The following KLHDC10 variants were observed in gnomAD, a reference collection of about 807,000 sequenced individuals.
The protein encoded by KLHDC10 is kelch domain containing 10, also known as kelch domain-containing protein 10.
Under a neutral mutation model 56.1 loss-of-function variants are expected in KLHDC10, and 24 were observed. The observed-to-expected ratio is 0.43, with a 90% confidence interval of 0.31 to 0.60. The LOEUF (loss-of-function observed/expected upper bound fraction) is 0.60, where lower values mean the gene tolerates loss of function less well. KLHDC10 is among the 20% of genes least tolerant of loss of function. The probability of loss-of-function intolerance (pLI) is 0.11; values close to 1 mark genes in which losing one functional copy is unlikely to be tolerated. For synonymous variants in KLHDC10, 188 were observed against 207.1 expected (o/e 0.91, Z 0.79); for missense variants, 349 against 567.0 (o/e 0.62, Z 3.91).
intron 1 of KLHDC10, among the ~76,000 whole-genome samples, chr7:130,093,734 G>C (rs1795811250): frequency 6.6e-6 from 1 of 151,988 alleles, no homozygotes; most frequent in African/African-American, 2.4e-5. Flanking sequence ...CTGCTCTTTG[G>C]GTGAAAGAAT....
At position 130,131,893 on chromosome 7, in the gene KLHDC10, A is replaced by G. The variant is rs1796406326; in HGVS notation, c.*1147A>G. On this transcript the variant is annotated 3_prime_UTR_variant, in exon 10 of 10. Transcript: ENST00000335420. The stretch of plus-strand genomic sequence containing the variant: ...TTCTTTTCCGTCTGCTTTAATGTGC[A>G]TGGTGCTGTGAATAATTGTCTAGTA... The G allele has an allele frequency of 6.6e-6, 1 of 151,648 alleles. No homozygotes were observed. Among genetic ancestry groups the G allele is most frequent in the Non-Finnish European group, 1.5e-5 (1 of 67,926 alleles). 9.4% of individuals were successfully genotyped at this position (151,648 alleles called of 1,614,324 possible). A position where few individuals can be genotyped will look rare whatever the true frequency, so the allele number is the denominator to read the frequency against.
chr7:130,098,960 G>A (rs917531258), intron 2 of KLHDC10, among the ~76,000 whole-genome samples: 3 of 152,164 alleles, frequency 2.0e-5, no homozygotes, highest in African/African-American at 7.2e-5. Context: ...GGTGGCCCCT[G>A]GCAGTGCTGG....
intron 8 of KLHDC10, among the ~76,000 whole-genome samples, chr7:130,128,023 T>A (rs557832365): frequency 2.6e-5 from 4 of 152,380 alleles, no homozygotes; most frequent in African/African-American, 9.6e-5. Flanking sequence ...TTTCATCGTC[T>A]GATATAGCTC....
chr7:130,104,286 T>C (rs1795979242), intron 2 of KLHDC10, among the ~76,000 whole-genome samples: 1 of 152,136 alleles, frequency 6.6e-6, no homozygotes, highest in Admixed American at 6.6e-5. Context: ...GCAGTTCAAA[T>C]TCATTTTGTT....
At chr7:130,074,519 A>G (rs1486761240) in intron 1 of KLHDC10, among the ~76,000 whole-genome samples, 4 of 152,140 alleles carry the variant, frequency 2.6e-5, no homozygotes, top group African/African-American at 7.2e-5. Context: ...ACGCATTGGC[A>G]TTATATATAA....
chr7:130,125,880 C>A lies in KLHDC10; in HGVS notation c.880C>A (p.Leu294Ile). The A allele has an allele frequency of 6.2e-7, 1 of 1,602,828 alleles. No homozygotes were observed. The highest frequency in any genetic ancestry group is 8.5e-7 in the Non-Finnish European group (1 of 1,177,030). The change falls in exon 7 of 10, where the codon CTT becomes ATT. Residue 294 changes from leucine (L) to isoleucine (I), a missense_variant. By Grantham distance (5) the Leu-to-Ile change is conservative. Coordinates refer to ENST00000335420, the MANE Select transcript of KLHDC10 (RefSeq NM_014997.4). ...TTTCTCCAAGATCCATGCATACAAC[C>A]TTGAAACGAATGCCTGGGAGGAAAT... is the stretch of plus-strand genomic sequence containing the variant. ...YSLNKIHAYN[L>I]ETNAWEEIAT...
At chr7:130,090,715 C>T (rs993428498) in intron 1 of KLHDC10, among the ~76,000 whole-genome samples, 7 of 151,892 alleles carry the variant, frequency 4.6e-5, no homozygotes, top group African/African-American at 1.7e-4. Context: ...AGGAAATTGA[C>T]ATTGATACAA....
At chr7:130,089,049 G>A (rs1273992652) in intron 1 of KLHDC10, among the ~76,000 whole-genome samples, 4 of 151,784 alleles carry the variant, frequency 2.6e-5, no homozygotes, top group Non-Finnish European at 4.4e-5. Flanking sequence ...CATTCACATC[G>A]ATACATATAA....
At position 130,130,850 on chromosome 7, in the gene KLHDC10, C is replaced by A; in HGVS notation, c.*104C>A. On this transcript the variant is annotated 3_prime_UTR_variant, in exon 10 of 10. Transcript: ENST00000335420. This position sits in a 1 kb window ranked among gnomAD's most constrained non-coding sequence, Gnocchi z 4.2. Reference sequence around the variant, plus strand: ...TACAAAGAGGATTGGTTACCCTGATCAAGGCCTTATTTAGAAAATACATCA... The same window carrying A: ...TACAAAGAGGATTGGTTACCCTGATAAAGGCCTTATTTAGAAAATACATCA... 8.9e-7 allele frequency: 1 copy of A among 1,121,466 alleles called. No homozygotes were observed. The highest frequency in any genetic ancestry group is 1.3e-6 in the Non-Finnish European group (1 of 761,782). 69.5% of individuals were successfully genotyped at this position (1,121,466 alleles called of 1,614,324 possible).
intron 2 of KLHDC10, among the ~76,000 whole-genome samples, chr7:130,101,445 T>C (rs1563101147): frequency 6.6e-6 from 1 of 152,140 alleles, no homozygotes; most frequent in Non-Finnish European, 1.5e-5. Context: ...ACTCTAAGCA[T>C]AGAGGTGGCA....
At position 130,108,725 on chromosome 7, in the gene KLHDC10, CAAAAA is replaced by C. The variant is rs200535259; in HGVS notation, c.254-7709_254-7705del. Among the ~76,000 whole-genome samples, 3 of 86,276 alleles carry C rather than the reference CAAAAA, an allele frequency of 3.5e-5. No individual in the cohort carries two copies. In the East Asian group the frequency reaches 8.0e-4, roughly 23 times the overall value. The allele number at this position is 86,276 out of a possible 152,430, so 56.6% of individuals were successfully genotyped here. ...CGACAGAGCGAGACCCCATCTCAAA[CAAAAA>C]AAAAAAAAAAGAAAGAAAAGGGAAA... On this transcript the variant is annotated intron_variant, in intron 2 of 9. Transcript: ENST00000335420.
intron 2 of KLHDC10, among the ~76,000 whole-genome samples, chr7:130,107,669 C>G (rs908550658): frequency 6.6e-6 from 1 of 151,524 alleles, no homozygotes; most frequent in Non-Finnish European, 1.5e-5. Context: ...CATGACGAAA[C>G]CCAGTCTTTA....
chr7:130,123,497 C>T (rs1796278327), intron 5 of KLHDC10, among the ~76,000 whole-genome samples: 1 of 151,740 alleles, frequency 6.6e-6, no homozygotes, highest in Non-Finnish European at 1.5e-5. Context: ...GAATTAAACT[C>T]ACTGAAATAC....
At chr7:130,108,082 A>G (rs1041438894) in intron 2 of KLHDC10, among the ~76,000 whole-genome samples, 7 of 150,764 alleles carry the variant, frequency 4.6e-5, no homozygotes, top group Admixed American at 1.3e-4. Flanking sequence ...AAAAAAAACT[A>G]GCTGGTTGAG....
At position 130,120,639 on chromosome 7, in the gene KLHDC10, T is replaced by G; in HGVS notation, c.476-110T>G. Reference sequence around the variant, plus strand: ...TAGATGTCAGTGGTTTGAGCTATCTTATGAGATCATTAAAGCAGATATGTG... The same window carrying G: ...TAGATGTCAGTGGTTTGAGCTATCTGATGAGATCATTAAAGCAGATATGTG... On this transcript the variant is annotated intron_variant, in intron 3 of 9. Coordinates refer to ENST00000335420, the MANE Select transcript of KLHDC10 (RefSeq NM_014997.4). The surrounding 1 kb of genome is among the most constrained non-coding windows in gnomAD (Gnocchi z 5.1). The G allele has an allele frequency of 8.5e-7, 1 of 1,177,956 alleles. No homozygotes were observed. 73.0% of individuals were successfully genotyped at this position (1,177,956 alleles called of 1,614,324 possible). A position where few individuals can be genotyped will look rare whatever the true frequency, so the allele number is the denominator to read the frequency against.
chr7:130,099,119 C>T (rs1192861792), intron 2 of KLHDC10, among the ~76,000 whole-genome samples: 1 of 152,150 alleles, frequency 6.6e-6, no homozygotes, highest in African/African-American at 2.4e-5. Flanking sequence ...GGTTGCTTTA[C>T]TGTATAGTTC....
At chr7:130,127,200 G>A (rs573177265) in intron 7 of KLHDC10, among the ~76,000 whole-genome samples, 86 of 152,284 alleles carry the variant, frequency 5.6e-4, no homozygotes, top group African/African-American at 1.9e-3. Context: ...CTTTGTTTCC[G>A]GCACCTTAGC....
chr7:130,113,600 T>C (rs1220945948), intron 2 of KLHDC10, among the ~76,000 whole-genome samples: 1 of 152,216 alleles, frequency 6.6e-6, no homozygotes, highest in Non-Finnish European at 1.5e-5. Flanking sequence ...CCCAAAGTGC[T>C]TGGATTACAG....
chr7:130,109,064 G>A (rs1304526478), intron 2 of KLHDC10, among the ~76,000 whole-genome samples: 5 of 151,684 alleles, frequency 3.3e-5, no homozygotes, highest in African/African-American at 7.3e-5. Flanking sequence ...GCAGGTGTGC[G>A]CCACCACACC....
Sources: gnomAD v4.1 joint callset for allele counts (sites outside exome capture counted in the v4.1 genomes callset) on GRCh38, gnomAD v4.1.1 for gene constraint, Gnocchi (gnomAD v3.1) non-coding constraint, MANE v1.5 for transcripts, NCBI Gene and HGNC (gene_info 2026-07-23, HGNC 2026-07-21) for gene names.